EYS: variants seen among roughly 807,000 people sequenced by gnomAD.
EYS encodes the protein protein eyes shut homolog.
A neutral mutation model predicts 282.1 loss-of-function variants in EYS; 250 were observed. The observed-to-expected ratio is 0.89, with a 90% CI of 0.80 to 0.98. The LOEUF (loss-of-function observed/expected upper bound fraction) is 0.98, where lower values mean the gene tolerates loss of function less well. Ranked by LOEUF, EYS falls within the 50% of genes least tolerant of loss-of-function variation. The pLI, the probability that EYS is intolerant of heterozygous loss-of-function variation, is 0.00. For synonymous variants in EYS, 1,355 were observed against 1,282.9 expected (o/e 1.06, Z -1.20); for missense variants, 4,016 against 3,709.0 (o/e 1.08, Z -2.15).
chr6:64,826,138 A>C (rs531087919), intron 19 of EYS, among the ~76,000 whole-genome samples: 49 of 151,988 alleles, frequency 3.2e-4, no homozygotes, highest in African/African-American at 1.2e-3. Flanking sequence ...TTTATGTGTC[A>C]ATCAGAGTTC....
intron 12 of EYS, among the ~76,000 whole-genome samples, chr6:65,163,459 T>C (rs1367044703): frequency 6.6e-6 from 1 of 151,316 alleles, no homozygotes; most frequent in African/African-American, 2.4e-5. Context: ...TTTCTTGTTT[T>C]ACAATTCTAA....
intron 41 of EYS, among the ~76,000 whole-genome samples, chr6:63,728,033 G>A (rs907480504): frequency 6.6e-6 from 1 of 151,672 alleles, no homozygotes; most frequent in Non-Finnish European, 1.5e-5. Context: ...CATAAAATCT[G>A]GTTAAAATTT....
At chr6:64,653,982 T>G (rs550098414) in intron 22 of EYS, among the ~76,000 whole-genome samples, 8 of 152,288 alleles carry the variant, frequency 5.3e-5, no homozygotes, top group Non-Finnish European at 1.2e-4. Context: ...TTATTTATAT[T>G]CATAAAGATG....
chr6:64,220,952 T>C (rs1766082467), intron 31 of EYS, among the ~76,000 whole-genome samples: 1 of 152,156 alleles, frequency 6.6e-6, no homozygotes, highest in Non-Finnish European at 1.5e-5. Flanking sequence ...AAAATCACAC[T>C]ATCACACTGA....
intron 15 of EYS, among the ~76,000 whole-genome samples, chr6:64,941,197 A>T (rs928706679): frequency 3.9e-5 from 6 of 151,976 alleles, no homozygotes; most frequent in Non-Finnish European, 5.9e-5. Context: ...CCTGGCTAAC[A>T]TGGTGAAACT....
intron 13 of EYS, among the ~76,000 whole-genome samples, chr6:65,047,664 C>T (rs1423144216): frequency 6.6e-6 from 1 of 151,908 alleles, no homozygotes; most frequent in Admixed American, 6.6e-5. Flanking sequence ...TCTTCCTATG[C>T]ACACATTAGG....
At chr6:64,779,958 G>A (rs944203141) in intron 22 of EYS, among the ~76,000 whole-genome samples, 2 of 152,128 alleles carry the variant, frequency 1.3e-5, no homozygotes, top group Non-Finnish European at 2.9e-5. Flanking sequence ...TATAAATGAT[G>A]CTCTCTAGAT....
intron 36 of EYS, among the ~76,000 whole-genome samples, chr6:63,837,098 A>G (rs1348159988): frequency 6.6e-6 from 1 of 152,092 alleles, no homozygotes; most frequent in Non-Finnish European, 1.5e-5. Flanking sequence ...TTTTGATAGT[A>G]CTGTCTCATA....
chr6:65,543,178 C>T (rs981884982), intron 2 of EYS, among the ~76,000 whole-genome samples: 2 of 151,618 alleles, frequency 1.3e-5, no homozygotes, highest in East Asian at 1.9e-4. Context: ...GCCACCATGC[C>T]GGGCTAATTT....
In EYS at chr6:65,567,281, A is replaced by T. The variant is rs565026929; in HGVS notation, c.-332-71288T>A. Among the ~76,000 whole-genome samples the T allele has an allele frequency of 1.1e-3, 159 of 149,638 alleles. 2 individuals carry two copies. The East Asian group carries it at 0.027, about 26-fold the overall frequency. On this transcript the variant is annotated intron_variant, in intron 2 of 42. Coordinates refer to ENST00000503581, the MANE Select transcript of EYS (RefSeq NM_001142800.2). ...TATATATATACATATATACACACACATATATAATATAAACATATAAATTAA... is the reference window on the plus strand; with the variant it reads ...TATATATATACATATATACACACACTTATATAATATAAACATATAAATTAA...
intron 12 of EYS, among the ~76,000 whole-genome samples, chr6:65,254,705 G>T (rs986713261): frequency 2.6e-5 from 4 of 151,668 alleles, no homozygotes; most frequent in African/African-American, 9.7e-5. Flanking sequence ...AGTTATGTAG[G>T]GCTGTTAATA....
At chr6:64,851,635 G>A (rs4710497) in intron 19 of EYS, among the ~76,000 whole-genome samples, 109,221 of 152,028 alleles carry the variant, frequency 0.72, 39,519 homozygotes, top group Admixed American at 0.77. Context: ...GAATGAGATC[G>A]TGTCCTTTTC....
At chr6:65,701,962 C>T (rs2149853048) in intron 1 of EYS, among the ~76,000 whole-genome samples, 1 of 152,248 alleles carries the variant, frequency 6.6e-6, no homozygotes, top group East Asian at 1.9e-4. Flanking sequence ...TAGTATCGGA[C>T]ATTTAACCAT....
chr6:64,629,775 T>C (rs1485112027), intron 22 of EYS, among the ~76,000 whole-genome samples: 4 of 152,180 alleles, frequency 2.6e-5, no homozygotes, highest in Non-Finnish European at 5.9e-5. Context: ...AGAGCTTTTT[T>C]CAAAAATAGT....
chr6:64,222,377 G>T (rs1052951097), intron 31 of EYS, among the ~76,000 whole-genome samples: 1 of 151,658 alleles, frequency 6.6e-6, no homozygotes, highest in Non-Finnish European at 1.5e-5. Flanking sequence ...CACACGTTTT[G>T]TTCTTAATTA....
At chr6:64,169,629 A>T (rs907645595) in intron 31 of EYS, among the ~76,000 whole-genome samples, 1 of 152,116 alleles carries the variant, frequency 6.6e-6, no homozygotes, top group African/African-American at 2.4e-5. Flanking sequence ...GTGTTAGCCC[A>T]TGATTACTTC....
At chr6:65,574,219 C>T (rs541134009) in intron 2 of EYS, among the ~76,000 whole-genome samples, 86 of 152,264 alleles carry the variant, frequency 5.6e-4, no homozygotes, top group African/African-American at 1.9e-3. Context: ...TAAACCATTC[C>T]GAGTGCCAAG....
At chr6:64,276,982 T>C (rs910012807) in intron 30 of EYS, among the ~76,000 whole-genome samples, 1 of 152,160 alleles carries the variant, frequency 6.6e-6, no homozygotes. Context: ...AGCTAATTTA[T>C]TGATGCAGTT....
intron 19 of EYS, among the ~76,000 whole-genome samples, chr6:64,836,660 A>G (rs1225545454): frequency 6.6e-6 from 1 of 151,666 alleles, no homozygotes; most frequent in African/African-American, 2.4e-5. Context: ...AGCGATGAAC[A>G]TGCAGTCAAA....
Sources: gnomAD v4.1 joint callset for allele counts (sites outside exome capture counted in the v4.1 genomes callset) on GRCh38, gnomAD v4.1.1 for gene constraint, MANE v1.5 for transcripts, NCBI Gene and HGNC (gene_info 2026-07-23, HGNC 2026-07-21) for gene names.